IL15: variants seen among roughly 807,000 people sequenced by gnomAD.
The protein encoded by IL15 is interleukin 15, also known as interleukin-15.
Under a neutral mutation model 19.6 loss-of-function variants are expected in IL15, and 11 were observed. That is an observed-to-expected ratio of 0.56 (90% CI 0.35 to 0.93). The LOEUF (loss-of-function observed/expected upper bound fraction) is 0.93. IL15 is among the 40% of genes least tolerant of loss of function. The probability of loss-of-function intolerance (pLI) is 0.01; values close to 1 mark genes in which losing one functional copy is unlikely to be tolerated. For synonymous variants in IL15, 58 were observed against 59.6 expected, an observed-to-expected ratio of 0.97 and a Z score of 0.12; for missense variants, 197 against 186.5, an observed-to-expected ratio of 1.06 and a Z score of -0.33.
intron 2 of IL15, among the ~76,000 whole-genome samples, chr4:141,663,497 G>T (rs1560907278): frequency 6.6e-6 from 1 of 152,174 alleles, no homozygotes. Context: ...TGTTTATGGA[G>T]ACTTCATTAG....
chr4:141,704,054 T>C (rs1483231574), intron 2 of IL15, among the ~76,000 whole-genome samples: 1 of 152,228 alleles, frequency 6.6e-6, no homozygotes, highest in Admixed American at 6.5e-5. Flanking sequence ...CTTTTATTTA[T>C]CTGGCCTAAT....
intron 3 of IL15, 63 bp downstream of exon 3, chr4:141,719,539 G>A (rs1730004799): frequency 2.3e-6 from 3 of 1,297,906 alleles, no homozygotes; most frequent in African/African-American, 1.5e-5. Context: ...CTGAATCTCA[G>A]AGTCTTTGCA....
In IL15 at chr4:141,656,308, G is replaced by A. The variant is rs1482507830; in HGVS notation, c.-100+1G>A. On this transcript the variant is annotated splice_donor_variant, in intron 2 of 7. Transcript: ENST00000320650. LOFTEE classifies it low-confidence loss of function (5UTR_SPLICE). ...AGATAGCCAGCCCATACAAGATCGT[G>A]TAAGTAAAGTTTTAAAAGTTTTATC... 1 of 398,018 alleles carries A rather than the reference G, an allele frequency of 2.5e-6. No homozygotes were observed. The highest frequency in any genetic ancestry group is 4.4e-6 in the Non-Finnish European group (1 of 225,824). 24.7% of individuals were successfully genotyped at this position (398,018 alleles called of 1,614,324 possible). A position where few individuals can be genotyped will look rare whatever the true frequency, so the allele number is the denominator to read the frequency against.
chr4:141,683,291 C>A (rs1728597511), intron 2 of IL15, among the ~76,000 whole-genome samples: 1 of 151,194 alleles, frequency 6.6e-6, no homozygotes, highest in Non-Finnish European at 1.5e-5. Context: ...AAACAATAGG[C>A]TGGGCGCGGT....
intron 2 of IL15, among the ~76,000 whole-genome samples, chr4:141,663,956 T>C (rs186525137): frequency 6.6e-6 from 1 of 152,252 alleles, no homozygotes; most frequent in Admixed American, 6.5e-5. Context: ...TTTTGAGCCC[T>C]GAGAATGCAC....
At chr4:141,728,349 G>A (rs73851528) in intron 6 of IL15, among the ~76,000 whole-genome samples, 3,986 of 152,092 alleles carry the variant, frequency 0.026, 179 homozygotes, top group African/African-American at 0.09. Flanking sequence ...ATGCTGTAAT[G>A]TATCACCATC....
chr4:141,656,594 A>G (rs776316841), intron 2 of IL15, among the ~76,000 whole-genome samples: 3 of 152,172 alleles, frequency 2.0e-5, no homozygotes, highest in Admixed American at 6.5e-5. Flanking sequence ...ACTCTGCCCT[A>G]TTACCTGAAA....
chr4:141,729,712 C>A (rs1166722155), intron 6 of IL15, 135 bp from the exon 7 acceptor site: 2 of 545,560 alleles, frequency 3.7e-6, no homozygotes, highest in Non-Finnish European at 6.4e-6. Context: ...TAAGCTGCCT[C>A]CTATGTAAAA....
intron 2 of IL15, among the ~76,000 whole-genome samples, chr4:141,692,726 G>T (rs1009744313): frequency 2.0e-5 from 3 of 151,858 alleles, no homozygotes; most frequent in Admixed American, 1.3e-4. Context: ...TCTCAGCTTG[G>T]ACTTCATTGT....
intron 1 of IL15, among the ~76,000 whole-genome samples, chr4:141,651,745 C>T (rs888943456): frequency 6.6e-6 from 1 of 151,966 alleles, no homozygotes; most frequent in Non-Finnish European, 1.5e-5. Context: ...TGTTCTCACT[C>T]CGTATTTATC....
At chr4:141,657,808 TG>T (rs1332007773) in intron 2 of IL15, among the ~76,000 whole-genome samples, 34 of 152,232 alleles carry the variant, frequency 2.2e-4, no homozygotes, top group Admixed American at 1.0e-3. Context: ...TACCTGAGGC[TG>T]TTTTACAGTT....
At chr4:141,724,221 A>G (rs1375227493) in intron 5 of IL15, among the ~76,000 whole-genome samples, 1 of 152,112 alleles carries the variant, frequency 6.6e-6, no homozygotes, top group Non-Finnish European at 1.5e-5. Flanking sequence ...TATATAATCC[A>G]TGGGTCAAAG....
At chr4:141,712,609 T>C (rs890407218) in intron 2 of IL15, among the ~76,000 whole-genome samples, 1 of 148,104 alleles carries the variant, frequency 6.8e-6, no homozygotes, top group Non-Finnish European at 1.5e-5. Context: ...TAAATAAATA[T>C]ATTGTTTAAA....
At chr4:141,650,241 A>G (rs1452129836) in intron 1 of IL15, among the ~76,000 whole-genome samples, 6 of 152,118 alleles carry the variant, frequency 3.9e-5, no homozygotes, top group African/African-American at 1.4e-4. Context: ...GTTCTGACCC[A>G]GAATGTAGCT....
intron 2 of IL15, among the ~76,000 whole-genome samples, chr4:141,689,397 AC>A (rs1415684024): frequency 6.6e-6 from 1 of 152,164 alleles, no homozygotes; most frequent in African/African-American, 2.4e-5. Flanking sequence ...AAGGTTCTCC[AC>A]GTCCCCACCA....
At chr4:141,718,700 G>A (rs1009104114) in intron 2 of IL15, 1 of 152,122 alleles carries the variant, frequency 6.6e-6, no homozygotes, top group Non-Finnish European at 1.5e-5. Context: ...ACTTAATTCA[G>A]TGAATATTTA....
chr4:141,692,149 C>T (rs555683067), intron 2 of IL15, among the ~76,000 whole-genome samples: 27 of 152,384 alleles, frequency 1.8e-4, no homozygotes, highest in Admixed American at 7.8e-4. Context: ...CCAAGCTGTG[C>T]CTTGGTCCCT....
intron 4 of IL15, chr4:141,721,528 A>G (rs768689489): frequency 6.8e-5 from 36 of 528,648 alleles, no homozygotes; most frequent in Middle Eastern, 3.3e-4. Context: ...TCATTTTAAG[A>G]ATTTTACCTA....
intron 4 of IL15, 118 bp from the exon 5 acceptor site, chr4:141,721,806 G>C (rs181576283): frequency 3.0e-5 from 26 of 854,052 alleles, no homozygotes; most frequent in African/African-American, 1.5e-4. Context: ...CAGAAGCAAG[G>C]ATAACACTGA....
Sources: gnomAD v4.1 joint callset for allele counts (sites outside exome capture counted in the v4.1 genomes callset) on GRCh38, gnomAD v4.1.1 for gene constraint, MANE v1.5 for transcripts, NCBI Gene and HGNC (gene_info 2026-07-23, HGNC 2026-07-21) for gene names.